Variants in GALNTL6 observed in about 807,000 individuals in gnomAD.
GALNTL6 encodes polypeptide N-acetylgalactosaminyltransferase-like 6.
A neutral mutation model predicts 73.7 loss-of-function variants in GALNTL6; 46 were observed. The observed-to-expected ratio is 0.62, with a 90% CI of 0.49 to 0.80. The LOEUF (loss-of-function observed/expected upper bound fraction) is 0.80. Ranked by LOEUF, GALNTL6 falls within the 30% of genes least tolerant of loss-of-function variation. The pLI is 0.00. For synonymous variants in GALNTL6, 259 were observed against 263.7 expected, an observed-to-expected ratio of 0.98 and a Z score of 0.17; for missense variants, 604 against 755.0, an observed-to-expected ratio of 0.80 and a Z score of 2.34.
intron 2 of GALNTL6, among the ~76,000 whole-genome samples, chr4:171,959,317 G>A (rs1739146475): frequency 6.6e-6 from 1 of 152,032 alleles, no homozygotes; most frequent in South Asian, 2.1e-4. Flanking sequence ...TGTTCTCTTA[G>A]GTAAGATACT....
At chr4:172,945,410 T>C (rs1205975491) in intron 9 of GALNTL6, among the ~76,000 whole-genome samples, 1 of 152,240 alleles carries the variant, frequency 6.6e-6, no homozygotes, top group African/African-American at 2.4e-5. Flanking sequence ...ACCAAACTAT[T>C]CACTTTAAAT....
intron 5 of GALNTL6, among the ~76,000 whole-genome samples, chr4:172,581,688 C>T (rs2110974883): frequency 6.6e-6 from 1 of 152,346 alleles, no homozygotes; most frequent in Middle Eastern, 3.4e-3. Context: ...TGGTATCACA[C>T]CTTTCTCCAC....
chr4:172,249,190 G>A (rs1737763728), intron 3 of GALNTL6, among the ~76,000 whole-genome samples: 1 of 152,186 alleles, frequency 6.6e-6, no homozygotes, highest in South Asian at 2.1e-4. Context: ...GGCTGAGATG[G>A]TCTCATATGG....
At chr4:172,413,038 G>A (rs1744504268) in intron 5 of GALNTL6, among the ~76,000 whole-genome samples, 1 of 152,098 alleles carries the variant, frequency 6.6e-6, no homozygotes, top group South Asian at 2.1e-4. Context: ...TTTTTCAGAA[G>A]TTCCTCCATC....
chr4:172,894,222 T>A (rs1051828775), intron 8 of GALNTL6, among the ~76,000 whole-genome samples: 1 of 152,162 alleles, frequency 6.6e-6, no homozygotes, highest in African/African-American at 2.4e-5. Context: ...TTATTATTTC[T>A]TTTATTTTGC....
intron 2 of GALNTL6, among the ~76,000 whole-genome samples, chr4:171,979,053 A>G (rs1739807376): frequency 6.6e-6 from 1 of 152,104 alleles, no homozygotes; most frequent in African/African-American, 2.4e-5. Flanking sequence ...GTTTTTTGAC[A>G]TTATGCAGGT....
intron 2 of GALNTL6, among the ~76,000 whole-genome samples, chr4:172,055,268 A>C (rs1005412651): frequency 1.1e-4 from 17 of 152,166 alleles, no homozygotes; most frequent in Non-Finnish European, 2.2e-4. Context: ...GTAAACCACA[A>C]GGAAAGAATC....
Position 172,239,435 on chromosome 4 carries a change from T to G in GALNTL6, c.247+9671T>G, listed in dbSNP as rs1046753721. ...TTTTGTATTTCTGTGAGATTGTTTG[T>G]AATGTCAGCTTTGTCATTTCTGAAT... On this transcript the variant is annotated intron_variant, in intron 3 of 12. Coordinates refer to ENST00000506823, the MANE Select transcript of GALNTL6 (RefSeq NM_001034845.3). Among the ~76,000 whole-genome samples the G allele has an allele frequency of 2.6e-5, 4 of 152,230 alleles. No homozygotes were observed. The South Asian group carries it at 6.2e-4, about 24-fold the overall frequency.
intron 5 of GALNTL6, among the ~76,000 whole-genome samples, chr4:172,808,370 C>G (rs1448107097): frequency 6.6e-6 from 1 of 152,084 alleles, no homozygotes; most frequent in African/African-American, 2.4e-5. Flanking sequence ...ACAGATCATG[C>G]AAAGAGACTT....
At chr4:172,383,590 C>T (rs1743363301) in intron 5 of GALNTL6, among the ~76,000 whole-genome samples, 1 of 152,078 alleles carries the variant, frequency 6.6e-6, no homozygotes, top group Non-Finnish European at 1.5e-5. Context: ...ACTTCCTTTG[C>T]TTGCATAATT....
At chr4:172,869,948 G>A (rs1258933911) in intron 7 of GALNTL6, among the ~76,000 whole-genome samples, 1 of 152,080 alleles carries the variant, frequency 6.6e-6, no homozygotes, top group Non-Finnish European at 1.5e-5. Flanking sequence ...ACACAGAGTG[G>A]ATTGTTCTTA....
chr4:172,763,840 A>T (rs1414316626), intron 5 of GALNTL6, among the ~76,000 whole-genome samples: 1 of 152,260 alleles, frequency 6.6e-6, no homozygotes, highest in Non-Finnish European at 1.5e-5. Flanking sequence ...ATACTTCAGC[A>T]TTTTAAAAAT....
At chr4:172,342,805 A>G (rs1050783478) in intron 4 of GALNTL6, among the ~76,000 whole-genome samples, 1 of 152,216 alleles carries the variant, frequency 6.6e-6, no homozygotes, top group Non-Finnish European at 1.5e-5. Context: ...TTCCTTCTGT[A>G]CAATATGAGA....
At chr4:172,262,463 A>G (rs1278666303) in intron 3 of GALNTL6, among the ~76,000 whole-genome samples, 1 of 151,380 alleles carries the variant, frequency 6.6e-6, no homozygotes, top group Non-Finnish European at 1.5e-5. Flanking sequence ...TTTGGTTTCT[A>G]TTTGTGTGGA....
rs185114928 is a variant in GALNTL6, at chr4:172,675,561, A to G, written c.554-133800A>G. Among the ~76,000 whole-genome samples the G allele has an allele frequency of 2.3e-4, 35 of 152,340 alleles. No homozygotes were observed. The East Asian group carries it at 3.9e-3, about 17-fold the overall frequency. On this transcript the variant is annotated intron_variant, in intron 5 of 12. Coordinates refer to ENST00000506823, the MANE Select transcript of GALNTL6 (RefSeq NM_001034845.3). ...CTGGGTGCCTTCTCCATGCCCCACAAGCAAGAATGATTGCCCTGGAGGAAT... is the reference window on the plus strand; with the variant it reads ...CTGGGTGCCTTCTCCATGCCCCACAGGCAAGAATGATTGCCCTGGAGGAAT...
At chr4:172,209,595 T>C (rs1349356239) in intron 2 of GALNTL6, among the ~76,000 whole-genome samples, 2 of 152,074 alleles carry the variant, frequency 1.3e-5, no homozygotes, top group Non-Finnish European at 2.9e-5. Flanking sequence ...TCCAATCTTT[T>C]AACAGATGTC....
chr4:172,539,165 C>A (rs1456153351), intron 5 of GALNTL6, among the ~76,000 whole-genome samples: 2 of 151,966 alleles, frequency 1.3e-5, no homozygotes, highest in African/African-American at 4.8e-5. Flanking sequence ...TTTTTGTGTT[C>A]TTTTCCTAGG....
At chr4:172,367,862 G>T (rs571421657) in intron 5 of GALNTL6, among the ~76,000 whole-genome samples, 1 of 152,094 alleles carries the variant, frequency 6.6e-6, no homozygotes, top group South Asian at 2.1e-4. Flanking sequence ...CATTAACATC[G>T]CTTATAAGGT....
intron 2 of GALNTL6, among the ~76,000 whole-genome samples, chr4:172,048,878 G>C (rs543392619): frequency 2.0e-5 from 3 of 152,178 alleles, no homozygotes; most frequent in East Asian, 3.9e-4. Context: ...ATGTATTTTG[G>C]CTGGAAATTT....
Sources: gnomAD v4.1 joint callset for allele counts (sites outside exome capture counted in the v4.1 genomes callset) on GRCh38, gnomAD v4.1.1 for gene constraint, MANE v1.5 for transcripts, NCBI Gene and HGNC (gene_info 2026-07-23, HGNC 2026-07-21) for gene names.